BBS9: variants seen among roughly 807,000 people sequenced by gnomAD.
BBS9 encodes the protein Bardet-Biedl syndrome 9.
Under a neutral mutation model 117.7 loss-of-function variants are expected in BBS9, and 89 were observed. The observed-to-expected ratio is 0.76, with a 90% confidence interval of 0.64 to 0.90. The LOEUF is 0.90. BBS9 is among the 40% of genes least tolerant of loss of function. The probability of loss-of-function intolerance (pLI) is 0.00; values close to 1 mark genes in which losing one functional copy is unlikely to be tolerated. For missense variants in BBS9, 982 were observed against 1,042.2 expected (o/e 0.94, Z 0.80); for synonymous variants, 379 against 370.9 (o/e 1.02, Z -0.25).
At chr7:33,475,817 A>G (rs1841723183) in intron 19 of BBS9, among the ~76,000 whole-genome samples, 2 of 152,226 alleles carry the variant, frequency 1.3e-5, no homozygotes, top group South Asian at 2.1e-4. Flanking sequence ...ATTGTTGGAC[A>G]GGCAACCAGC....
intron 5 of BBS9, among the ~76,000 whole-genome samples, chr7:33,217,853 T>A (rs1789377652): frequency 6.6e-6 from 1 of 152,184 alleles, no homozygotes; most frequent in Admixed American, 6.5e-5. Context: ...CTTTTTGAAA[T>A]GGACATTTCT....
chr7:33,589,357 A>G (rs990886510), intron 21 of BBS9, among the ~76,000 whole-genome samples: 1 of 152,246 alleles, frequency 6.6e-6, no homozygotes, highest in South Asian at 2.1e-4. Flanking sequence ...ACAGAGTGCA[A>G]TTTAAAACTT....
chr7:33,520,830 A>C (rs988341836), intron 20 of BBS9, among the ~76,000 whole-genome samples: 1 of 152,172 alleles, frequency 6.6e-6, no homozygotes, highest in African/African-American at 2.4e-5. Flanking sequence ...TGACCTGGTA[A>C]TTTATCACTA....
chr7:33,288,817 C>T (rs1803421442), intron 9 of BBS9, among the ~76,000 whole-genome samples: 1 of 152,106 alleles, frequency 6.6e-6, no homozygotes, highest in Non-Finnish European at 1.5e-5. Context: ...ATTCTTTGGA[C>T]ATATTAACAT....
intron 17 of BBS9, among the ~76,000 whole-genome samples, chr7:33,368,179 T>C (rs575518729): frequency 1.3e-5 from 2 of 152,256 alleles, no homozygotes; most frequent in Non-Finnish European, 2.9e-5. Context: ...AAGAGAGGAA[T>C]TTAAAGAAAT....
At chr7:33,560,152 G>A (rs1454225838) in intron 21 of BBS9, among the ~76,000 whole-genome samples, 1 of 152,090 alleles carries the variant, frequency 6.6e-6, no homozygotes, top group Non-Finnish European at 1.5e-5. Context: ...TGTGGCTTTG[G>A]TACCCCTAGC....
chr7:33,466,475 G>A (rs1840181179), intron 19 of BBS9, among the ~76,000 whole-genome samples: 2 of 152,028 alleles, frequency 1.3e-5, no homozygotes, highest in Non-Finnish European at 2.9e-5. Flanking sequence ...AAATGGCAGG[G>A]CTAACTTCTT....
intron 9 of BBS9, among the ~76,000 whole-genome samples, chr7:33,313,661 G>T (rs1156716845): frequency 6.6e-6 from 1 of 152,086 alleles, no homozygotes; most frequent in Non-Finnish European, 1.5e-5. Flanking sequence ...TTCTTTTTGT[G>T]CAGAATTCTT....
chr7:33,176,017 T>C lies in BBS9; in HGVS notation c.329-1461T>C, dbSNP rs148135349. On this transcript the variant is annotated intron_variant, in intron 4 of 22. Transcript: ENST00000242067. ...AAGGGTTGCTTAGTAAAGTTTGTTA[T>C]GGTGATTTAAGTTGAGGCCTTCTCC... 5.3e-3 allele frequency among the ~76,000 whole-genome samples: 810 copies of C among 152,278 alleles called. 10 individuals are homozygous for C. The highest frequency in any genetic ancestry group is 0.019 in the African/African-American group (772 of 41,552).
intron 1 of BBS9, among the ~76,000 whole-genome samples, chr7:33,141,335 C>T (rs73309405): frequency 1.7e-4 from 26 of 152,058 alleles, no homozygotes; most frequent in African/African-American, 4.1e-4. Flanking sequence ...GGCAGGAGAT[C>T]GCCTGAACTT....
chr7:33,318,196 A>T (rs116549071), intron 9 of BBS9, among the ~76,000 whole-genome samples: 2,096 of 152,332 alleles, frequency 0.014, 55 homozygotes, highest in African/African-American at 0.048. Context: ...AGCCTGAATA[A>T]TTTAACCTTT....
chr7:33,435,828 T>C (rs1411027777), intron 19 of BBS9, among the ~76,000 whole-genome samples: 1 of 152,196 alleles, frequency 6.6e-6, no homozygotes, highest in Non-Finnish European at 1.5e-5. Flanking sequence ...TTTTGGTCCC[T>C]TGTGCTTCAG....
At chr7:33,414,874 A>G (rs1831726143) in intron 19 of BBS9, among the ~76,000 whole-genome samples, 2 of 152,036 alleles carry the variant, frequency 1.3e-5, no homozygotes, top group African/African-American at 4.8e-5. Context: ...CTTCAGAGAG[A>G]TGATATCAGT....
At chr7:33,275,630 C>T (rs1800629651) in intron 9 of BBS9, among the ~76,000 whole-genome samples, 1 of 152,168 alleles carries the variant, frequency 6.6e-6, no homozygotes, top group South Asian at 2.1e-4. Context: ...TCTTGAAATA[C>T]TTAAAAATTA....
chr7:33,536,497 AG>A (rs1413043732), intron 21 of BBS9, among the ~76,000 whole-genome samples: 1 of 152,158 alleles, frequency 6.6e-6, no homozygotes, highest in Non-Finnish European at 1.5e-5. Context: ...TCTTACAAAT[AG>A]AAAATGGAGG....
At chr7:33,163,808 G>A (rs1323601832) in intron 4 of BBS9, among the ~76,000 whole-genome samples, 1 of 152,010 alleles carries the variant, frequency 6.6e-6, no homozygotes, top group African/African-American at 2.4e-5. Flanking sequence ...TTTTTTGAAG[G>A]GTTTTTTGTG....
chr7:33,608,875 A>T (rs1384968935), downstream of BBS9, among the ~76,000 whole-genome samples: 1 of 124,938 alleles, frequency 8.0e-6, no homozygotes, highest in African/African-American at 4.5e-5. Context: ...GGTCCTACTT[A>T]TCAATTTTTG....
At chr7:33,267,182 G>A (rs1798975531) in intron 7 of BBS9, among the ~76,000 whole-genome samples, 1 of 152,044 alleles carries the variant, frequency 6.6e-6, no homozygotes, top group South Asian at 2.1e-4. Context: ...CCTTTTGTTT[G>A]ATAATCTTCT....
At chr7:33,265,233 G>A (rs1020919188) in intron 7 of BBS9, among the ~76,000 whole-genome samples, 2 of 152,164 alleles carry the variant, frequency 1.3e-5, no homozygotes, top group Admixed American at 1.3e-4. Flanking sequence ...TATTGGAGAA[G>A]ACTATGCAGA....
Sources: gnomAD v4.1 joint callset for allele counts (sites outside exome capture counted in the v4.1 genomes callset) on GRCh38, gnomAD v4.1.1 for gene constraint, MANE v1.5 for transcripts, NCBI Gene and HGNC (gene_info 2026-07-23, HGNC 2026-07-21) for gene names.